Variants in ADARB2 observed in about 807,000 individuals in gnomAD.
The protein encoded by ADARB2 is inactive double-stranded RNA-specific editase B2.
Under a neutral mutation model 62.2 loss-of-function variants are expected in ADARB2, and 25 were observed. The ratio of observed to expected loss-of-function variants is 0.40; its 90% CI spans 0.29 to 0.56. The LOEUF is 0.56. Among genes scored for constraint, ADARB2 ranks in the 20% least tolerant of loss-of-function variants. ADARB2 has a pLI of 0.43. For missense variants in ADARB2, 1,071 were observed against 1,077.4 expected (o/e 0.99, Z 0.08); for synonymous variants, 572 against 500.8 (o/e 1.14, Z -1.90).
chr10:1,372,833 G>T (rs919999385), intron 2 of ADARB2, among the ~76,000 whole-genome samples: 7 of 152,258 alleles, frequency 4.6e-5, no homozygotes, highest in Admixed American at 1.3e-4. Context: ...AGAGCTGGGA[G>T]TAGGTCTGCA....
intron 7 of ADARB2, 134 bp downstream of exon 7, chr10:1,216,817 G>C (rs1261331055): frequency 8.5e-7 from 1 of 1,182,624 alleles, no homozygotes; most frequent in Non-Finnish European, 1.2e-6. Context: ...GGAGTTCCAC[G>C]GCTCAGGCAC....
chr10:1,485,222 G>A (rs1038338970), intron 1 of ADARB2, among the ~76,000 whole-genome samples: 5 of 152,034 alleles, frequency 3.3e-5, no homozygotes, highest in Non-Finnish European at 7.4e-5. Context: ...GTACTTGGAG[G>A]TAAGTGTGCA....
chr10:1,650,194 G>C (rs1834092569), intron 1 of ADARB2, among the ~76,000 whole-genome samples: 1 of 152,234 alleles, frequency 6.6e-6, no homozygotes, highest in Non-Finnish European at 1.5e-5. Flanking sequence ...TTAAGTGGCA[G>C]CTCTACAAAG....
At chr10:1,576,022 GGCC>G (rs1274489109) in intron 1 of ADARB2, among the ~76,000 whole-genome samples, 35 of 148,938 alleles carry the variant, frequency 2.3e-4, no homozygotes, top group Admixed American at 4.0e-4. Context: ...CATGGGAGGG[GGCC>G]CAGGGCCACT....
chr10:1,208,127 C>T (rs1378206029), intron 7 of ADARB2, among the ~76,000 whole-genome samples: 2 of 152,240 alleles, frequency 1.3e-5, no homozygotes, highest in Non-Finnish European at 1.5e-5. Context: ...AGTTCCATCC[C>T]ATCTTCCCAG....
chr10:1,479,085 G>A (rs568574540), intron 1 of ADARB2, among the ~76,000 whole-genome samples: 57 of 152,340 alleles, frequency 3.7e-4, no homozygotes, highest in African/African-American at 1.3e-3. Context: ...AGCATAGGTT[G>A]TGTATGTGTG....
At chr10:1,463,195 G>A (rs1449446173) in intron 1 of ADARB2, among the ~76,000 whole-genome samples, 1 of 152,188 alleles carries the variant, frequency 6.6e-6, no homozygotes, top group Non-Finnish European at 1.5e-5. Context: ...AGCCCACGGT[G>A]CCTGGGTGGT....
At chr10:1,692,007 G>A (rs1005683579) in intron 1 of ADARB2, among the ~76,000 whole-genome samples, 3 of 152,116 alleles carry the variant, frequency 2.0e-5, no homozygotes, top group Admixed American at 6.5e-5. Context: ...TTCAGCGCTC[G>A]CTGCTGTCTC....
intron 1 of ADARB2, among the ~76,000 whole-genome samples, chr10:1,454,787 A>C (rs1015733438): frequency 1.6e-4 from 25 of 152,146 alleles, no homozygotes; most frequent in Non-Finnish European, 4.4e-5. Flanking sequence ...AGTGCCACCG[A>C]CCTATACACT....
intron 1 of ADARB2, among the ~76,000 whole-genome samples, chr10:1,631,218 C>T (rs1246784036): frequency 6.6e-6 from 1 of 152,126 alleles, no homozygotes; most frequent in South Asian, 2.1e-4. Flanking sequence ...CCACCTCCAC[C>T]CTTTCTACCC....
At chr10:1,534,425 A>G (rs1832296279) in intron 1 of ADARB2, among the ~76,000 whole-genome samples, 1 of 152,240 alleles carries the variant, frequency 6.6e-6, no homozygotes, top group African/African-American at 2.4e-5. Context: ...GGCATGAGCC[A>G]CCGCTCCCGG....
intron 1 of ADARB2, among the ~76,000 whole-genome samples, chr10:1,690,633 TCTC>T (rs1367035113): frequency 6.6e-6 from 1 of 152,088 alleles, no homozygotes; most frequent in Non-Finnish European, 1.5e-5. Flanking sequence ...CAGCCCCTGC[TCTC>T]CTCCTTGCTC....
chr10:1,715,732 G>A (rs1221263642), intron 1 of ADARB2, among the ~76,000 whole-genome samples: 4 of 152,360 alleles, frequency 2.6e-5, no homozygotes, highest in South Asian at 4.1e-4. Context: ...AGTACACAGA[G>A]CACTCCTGGA....
At chr10:1,440,148 A>G (rs1830887080) in intron 1 of ADARB2, among the ~76,000 whole-genome samples, 1 of 151,396 alleles carries the variant, frequency 6.6e-6, no homozygotes, top group Non-Finnish European at 1.5e-5. Flanking sequence ...CCCAGGACAG[A>G]GGCAGGTCCT....
At chr10:1,650,692 G>A (rs1834099483) in intron 1 of ADARB2, among the ~76,000 whole-genome samples, 2 of 152,320 alleles carry the variant, frequency 1.3e-5, no homozygotes, top group East Asian at 3.9e-4. Context: ...GTCTTTCCTG[G>A]AGTGAAGCTT....
At chr10:1,734,409 T>C (rs1835275050) in intron 1 of ADARB2, among the ~76,000 whole-genome samples, 1 of 151,886 alleles carries the variant, frequency 6.6e-6, no homozygotes, top group Non-Finnish European at 1.5e-5. Flanking sequence ...TTATACTTAA[T>C]GAAAGTATTG....
At chr10:1,605,595 C>T (rs943880817) in intron 1 of ADARB2, among the ~76,000 whole-genome samples, 1 of 152,202 alleles carries the variant, frequency 6.6e-6, no homozygotes, top group African/African-American at 2.4e-5. Context: ...GGAAAATGCA[C>T]TTACTTATTC....
Position 1,284,799 on chromosome 10 carries a change from C to T in ADARB2, c.1078-13730G>A, listed in dbSNP as rs75677112. Among the ~76,000 whole-genome samples the T allele has an allele frequency of 2.5e-3, 381 of 152,228 alleles. 2 individuals are homozygous for T. The highest frequency in any genetic ancestry group is 8.8e-3 in the African/African-American group (365 of 41,540). ...AATCCAACCATACACTGTAAATCCT[C>T]GAGATATAGAACTCAGCACATCTGT... is the stretch of plus-strand genomic sequence containing the variant. On this transcript the variant is annotated intron_variant, in intron 3 of 9. Transcript: ENST00000381312.
At chr10:1,339,673 T>A (rs796681047) in intron 3 of ADARB2, among the ~76,000 whole-genome samples, 46 of 152,322 alleles carry the variant, frequency 3.0e-4, no homozygotes, top group African/African-American at 1.0e-3. Context: ...CATGAAAAGC[T>A]GAGCAGCAGC....
Sources: allele counts gnomAD v4.1 joint callset (sites outside exome capture counted in the v4.1 genomes callset), GRCh38; gene constraint gnomAD v4.1.1; transcripts MANE v1.5; gene names NCBI Gene and HGNC (gene_info 2026-07-23, HGNC 2026-07-21).